The following DNAH17 variants were observed in gnomAD, a reference collection of about 807,000 sequenced individuals.
DNAH17 encodes the protein dynein axonemal heavy chain 17.
DNAH17 carries 376 observed loss-of-function variants against 485.6 expected under a neutral mutation model. The ratio of observed to expected loss-of-function variants is 0.77; its 90% CI spans 0.71 to 0.84. The LOEUF (loss-of-function observed/expected upper bound fraction) is 0.84. Ranked by LOEUF, DNAH17 falls within the 40% of genes least tolerant of loss-of-function variation. DNAH17 has a pLI of 0.00. For missense variants in DNAH17, 6,370 were observed against 5,839.3 expected, an observed-to-expected ratio of 1.09 and a Z score of -2.96; for synonymous variants, 3,031 against 2,405.9, an observed-to-expected ratio of 1.26 and a Z score of -7.60.
In DNAH17 at chr17:78,434,090, T is replaced by C; in HGVS notation, c.12164A>G (p.Asn4055Ser). Residue 4055 changes from asparagine to serine, a missense_variant, in exon 75 of 81, where the codon AAC becomes AGC. Coordinates refer to ENST00000389840, the MANE Select transcript of DNAH17 (RefSeq NM_173628.4). ...AQGWNRSYPFNNGDLTISINV... is the reference protein window; with the variant it reads ...AQGWNRSYPFSNGDLTISINV... ...GATGGAGATGGTGAGGTCCCCGTTG[T>C]TGAAGGGGTACGACCGGTTCCAGCC... 1 of 1,613,658 alleles carries C rather than the reference T, an allele frequency of 6.2e-7. No individual in the cohort carries two copies. Among genetic ancestry groups the C allele is most frequent in the East Asian group, 2.2e-5 (1 of 44,890 alleles).
intron 27 of DNAH17, among the ~76,000 whole-genome samples, chr17:78,510,038 T>C (rs991484386): frequency 6.6e-6 from 1 of 152,066 alleles, no homozygotes; most frequent in African/African-American, 2.4e-5. Context: ...GAAAATTAGC[T>C]GGGCGTGGTG....
intron 17 of DNAH17, 64 bp downstream of exon 17, chr17:78,543,793 T>A (rs567218584): frequency 2.9e-5 from 46 of 1,609,088 alleles, no homozygotes; most frequent in Non-Finnish European, 3.7e-5. Flanking sequence ...CAGCCCTGGG[T>A]TTACTCTCTC....
chr17:78,467,382 G>A (rs1377097154), intron 55 of DNAH17, among the ~76,000 whole-genome samples: 4 of 152,224 alleles, frequency 2.6e-5, no homozygotes, highest in African/African-American at 9.6e-5. Flanking sequence ...ATTGAATGGG[G>A]TGGCTCACTG....
rs140052280 is a variant in DNAH17 at position 78,567,034 on chromosome 17, C to G, written c.1417G>C (p.Asp473His). ...EVFELVKVFA[D>H]CKYDPLDPGD... ...GGGTCCAAGGGATCATATTTGCAGT[C>G]GGCAAAAACCTTCACCAGCTCAAAG... The change falls in exon 10 of 81, where the codon GAC becomes CAC. Residue 473 changes from aspartate (D) to histidine (H), a missense_variant. By Grantham distance (81) the Asp-to-His change is moderately conservative (BLOSUM62 -1). Coordinates refer to ENST00000389840, the MANE Select transcript of DNAH17 (RefSeq NM_173628.4). The G allele has an allele frequency of 1.5e-5, 24 of 1,613,550 alleles. No homozygotes were observed. Among genetic ancestry groups the G allele is most frequent in the Non-Finnish European group, 1.9e-5 (23 of 1,179,770 alleles).
chr17:78,453,269 C>T (rs2087633026), intron 65 of DNAH17, 74 bp downstream of exon 65: 1 of 1,564,166 alleles, frequency 6.4e-7, no homozygotes, highest in Admixed American at 1.9e-5. Flanking sequence ...GGCGTTTTCT[C>T]TACATGCACA....
intron 56 of DNAH17, among the ~76,000 whole-genome samples, chr17:78,464,964 C>G (rs894546980): frequency 1.2e-4 from 18 of 152,238 alleles, no homozygotes; most frequent in Non-Finnish European, 1.9e-4. Context: ...CCCTCTCCCT[C>G]TCCCCACGGT....
At position 78,494,952 on chromosome 17, in the gene DNAH17, C is replaced by T. The variant is rs1301449454; in HGVS notation, c.6042+7G>A. On this transcript the variant is annotated splice_region_variant and intron_variant, in intron 39 of 80. Coordinates refer to ENST00000389840, the MANE Select transcript of DNAH17 (RefSeq NM_173628.4). The stretch of plus-strand genomic sequence containing the variant: ...CACACCCGCCGTGAGCTCCAGGACA[C>T]ACACACCTGCTTCGAGAGCAGCTCC... 1 of 1,609,312 alleles carries T rather than the reference C, an allele frequency of 6.2e-7. No homozygotes were observed. Among genetic ancestry groups the T allele is most frequent in the East Asian group, 2.2e-5 (1 of 44,760 alleles).
intron 25 of DNAH17, among the ~76,000 whole-genome samples, chr17:78,521,300 G>A (rs2090927454): frequency 6.6e-6 from 1 of 152,160 alleles, no homozygotes; most frequent in African/African-American, 2.4e-5. Context: ...CAGCTACTCA[G>A]GAGGCTGAGG....
chr17:78,501,096 C>CAGCTGACCTCCAA, intron 35 of DNAH17, 88 bp downstream of exon 35: 1 of 1,444,078 alleles, frequency 6.9e-7, no homozygotes, highest in Non-Finnish European at 9.3e-7. Context: ...CCAGCCTCCA[C>CAGCTGACCTCCAA]AGCTGACCTC....
At chr17:78,450,174 T>G in intron 68 of DNAH17, 80 bp downstream of exon 68, 1 of 1,540,792 alleles carries the variant, frequency 6.5e-7, no homozygotes, top group Non-Finnish European at 8.9e-7. Flanking sequence ...CCGATGGCTG[T>G]GTGGGCAACA....
intron 12 of DNAH17, among the ~76,000 whole-genome samples, 185 bp downstream of exon 12, chr17:78,561,530 A>C (rs995084616): frequency 5.3e-5 from 8 of 151,598 alleles, no homozygotes; most frequent in Non-Finnish European, 8.8e-5. Flanking sequence ...TCTCCTGAGC[A>C]CTCCCACCAA....
In DNAH17 at chr17:78,501,258, G is replaced by A. The variant is rs370045140; in HGVS notation, c.5409C>T (p.Cys1803=). ...CATAGGAATACTGGATTTGGGCATC[G>A]CAGATGTTGGCAAAGCAGTGTCGCT... ...EEKRHCFANI[C]DAQIQYSYEY... is the part of the protein sequence containing the mutation. Residue 1803 remains cysteine (C), a synonymous_variant, in exon 35 of 81, where the codon TGC becomes TGT. Coordinates refer to ENST00000389840, the MANE Select transcript of DNAH17 (RefSeq NM_173628.4). 142 of 1,608,946 alleles carry A rather than the reference G, an allele frequency of 8.8e-5. No individual in the cohort carries two copies. The Middle Eastern group carries it at 9.9e-4, about 11-fold the overall frequency.
intron 26 of DNAH17, 78 bp from the exon 27 acceptor site, chr17:78,510,584 G>A (rs2090608059): frequency 2.5e-6 from 4 of 1,572,858 alleles, no homozygotes; most frequent in Non-Finnish European, 3.5e-6. Context: ...GATCCTTCAT[G>A]GAGAGCCATT....
chr17:78,561,432 C>CAG (rs2092151654), intron 12 of DNAH17, among the ~76,000 whole-genome samples: 1 of 152,108 alleles, frequency 6.6e-6, no homozygotes, highest in Admixed American at 6.5e-5. Context: ...GTGGCTCAGT[C>CAG]AGCTGCATAC....
chr17:78,522,860 T>TC (rs112819534), intron 25 of DNAH17: 30,419 of 162,604 alleles, frequency 0.19, 3,161 homozygotes, highest in Middle Eastern at 0.25. Context: ...TTTTCTTTCT[T>TC]TTTTTTTTTT....
intron 48 of DNAH17, 127 bp downstream of exon 48, chr17:78,484,741 C>CCCCCTG: frequency 2.7e-6 from 1 of 370,150 alleles, no homozygotes; most frequent in Non-Finnish European, 4.3e-6. Context: ...GTTGCAGCAC[C>CCCCCTG]CCCCCCACCG....
In DNAH17 at chr17:78,544,017, G is replaced by T. The variant is rs560680193; in HGVS notation, c.2392-20C>A. On this transcript the variant is annotated intron_variant, in intron 16 of 80. Transcript: ENST00000389840. ...CCAGTCCTGGAAGGAAAGCACAGGAGTGAGAAAAGGTGTTCTGGAGAAACT... is the reference window on the plus strand; with the variant it reads ...CCAGTCCTGGAAGGAAAGCACAGGATTGAGAAAAGGTGTTCTGGAGAAACT... 3 of 1,613,650 alleles carry T rather than the reference G, an allele frequency of 1.9e-6. No homozygotes were observed. The African/African-American group carries it at 4.0e-5, about 22-fold the overall frequency.
intron 58 of DNAH17, 49 bp downstream of exon 58, chr17:78,461,495 G>GGCC: frequency 6.7e-7 from 1 of 1,484,426 alleles, no homozygotes; most frequent in Non-Finnish European, 9.0e-7. Flanking sequence ...CAGGAGGCCT[G>GGCC]GCCAGTGCAG....
chr17:78,529,329 C>G, intron 22 of DNAH17, 143 bp downstream of exon 22: 1 of 828,414 alleles, frequency 1.2e-6, no homozygotes. Context: ...CCCTGCACCT[C>G]CCTGTTCCAT....
Sources: allele counts gnomAD v4.1 joint callset (sites outside exome capture counted in the v4.1 genomes callset), GRCh38; gene constraint gnomAD v4.1.1; transcripts MANE v1.5; gene names NCBI Gene and HGNC (gene_info 2026-07-23, HGNC 2026-07-21).